The following ERCC2 variants were observed in gnomAD, a reference collection of about 807,000 sequenced individuals.
ERCC2 encodes general transcription and DNA repair factor IIH helicase subunit XPD.
ERCC2 carries 90 observed loss-of-function variants against 99.4 expected under a neutral mutation model. The ratio of observed to expected loss-of-function variants is 0.91; its 90% confidence interval spans 0.76 to 1.08. The LOEUF is 1.08. Among genes scored for constraint, ERCC2 ranks in the 50% least tolerant of loss-of-function variants. The pLI is 0.00. For synonymous variants in ERCC2, 497 were observed against 432.4 expected (o/e 1.15, Z -1.85); for missense variants, 993 against 1,038.1 (o/e 0.96, Z 0.60).
Position 45,352,253 on chromosome 19 carries a change from C to G in ERCC2, c.2146G>C (p.Val716Leu), listed in dbSNP as rs770807976. ...ATCTGCCGCAGGAAGTACTTGGCCA[C>G]CTGGACACCCTCGTCCACGGTCAGG... ...LNLTVDEGVQVAKYFLRQMAQ... is the reference protein window; with the variant it reads ...LNLTVDEGVQLAKYFLRQMAQ... Residue 716 changes from valine to leucine, a missense_variant, in exon 22 of 23, where the codon GTG (valine) becomes CTG (leucine). Val to Leu is a conservative substitution (Grantham distance 32, BLOSUM62 1). Around this residue, in one of 3 missense-constraint regions of ERCC2, gnomAD observed 909 missense variants for 930.8 expected, o/e 0.98. Transcript: ENST00000391945. The G allele has an allele frequency of 6.2e-7, 1 of 1,614,070 alleles. No individual in the cohort carries two copies. The highest frequency in any genetic ancestry group is 8.5e-7 in the Non-Finnish European group (1 of 1,179,998).
chr19:45,364,764 T>C lies in ERCC2; in HGVS notation c.594+74A>G, dbSNP rs908472390. 34 of 1,316,138 alleles carry C rather than the reference T, an allele frequency of 2.6e-5. No homozygotes were observed. In the African/African-American group the frequency reaches 3.3e-4, roughly 13 times the overall value. The allele number at this position is 1,316,138 out of a possible 1,614,324, so 81.5% of individuals were successfully genotyped here. A position where few individuals can be genotyped will look rare whatever the true frequency, so the allele number is the denominator to read the frequency against. The stretch of plus-strand genomic sequence containing the variant: ...ACTCACAGCAAGCAACAGACAGACA[T>C]GGGCAGACAGGAGACGGGCGGGCAG... On this transcript the variant is annotated intron_variant, in intron 7 of 22. Coordinates refer to ENST00000391945, the MANE Select transcript of ERCC2 (RefSeq NM_000400.4).
chr19:45,361,536 T>G lies in ERCC2; in HGVS notation c.1225A>C (p.Thr409Pro), dbSNP rs916150601. ...LLANFATLVS[T>P]YAKGFTIIIE... ...AAGGTGAGCTTACCTTTGGCGTAGG[T>G]GCTGACAAGGGTGGCAAAGTTAGCA... is the stretch of plus-strand genomic sequence containing the variant. The change falls in exon 12 of 23, where the codon ACC becomes CCC. Residue 409 changes from threonine to proline, a missense_variant. Coordinates refer to ENST00000391945, the MANE Select transcript of ERCC2 (RefSeq NM_000400.4). The G allele has an allele frequency of 1.9e-6, 3 of 1,612,812 alleles. No individual in the cohort carries two copies. The highest frequency in any genetic ancestry group is 2.5e-6 in the Non-Finnish European group (3 of 1,178,996).
rs534417538 is a variant in ERCC2, at chr19:45,368,762, G to A, written c.247-19C>T. 10 of 1,593,226 alleles carry A rather than the reference G, an allele frequency of 6.3e-6. No individual in the cohort carries two copies. In the South Asian group the frequency reaches 1.1e-4, roughly 18 times the overall value. On this transcript the variant is annotated intron_variant, in intron 4 of 22. Transcript: ENST00000391945. The stretch of plus-strand genomic sequence containing the variant: ...CAATCACCTACTCCAAAGTTGGGGG[G>A]CAGGGGGAGCTTGTGCTCATTGGAG...
At position 45,365,173 on chromosome 19, in the gene ERCC2, C is replaced by T. The variant is rs1229684222; in HGVS notation, c.361-15G>A. On this transcript the variant is annotated splice_polypyrimidine_tract_variant and intron_variant, in intron 5 of 22. Coordinates refer to ENST00000391945, the MANE Select transcript of ERCC2 (RefSeq NM_000400.4). The stretch of plus-strand genomic sequence containing the variant: ...AGGGGTGTCACCTGGGGGTGTGGGG[C>T]ATCTTAGCACCCAGACAGGGTGGAA... 1 of 1,596,684 alleles carries T rather than the reference C, an allele frequency of 6.3e-7. No individual in the cohort carries two copies. The highest frequency in any genetic ancestry group is 1.7e-5 in the Admixed American group (1 of 59,998).
chr19:45,361,658 G>C lies in ERCC2; in HGVS notation c.1119-16C>G. 1 of 1,582,684 alleles carries C rather than the reference G, an allele frequency of 6.3e-7. No homozygotes were observed. On this transcript the variant is annotated splice_polypyrimidine_tract_variant and intron_variant, in intron 11 of 22. Coordinates refer to ENST00000391945, the MANE Select transcript of ERCC2 (RefSeq NM_000400.4). ...AGCACAGAATCTGGCGGGGAGGAGA[G>C]ACGGGGTCGGGGGGCAGACGGAAGC...
rs542974423 is a variant in ERCC2 at position 45,352,878 on chromosome 19, C to T, written c.1832-62G>A. The T allele has an allele frequency of 5.3e-6, 8 of 1,501,888 alleles. No homozygotes were observed. In the Admixed American group the frequency reaches 8.5e-5, roughly 16 times the overall value. The allele number at this position is 1,501,888 out of a possible 1,614,324, so 93.0% of individuals were successfully genotyped here. Reference sequence around the variant, plus strand: ...AGTGTGGCTGGTGGGACAGGGACAGCCTCACGCGACCCAGGATGCTGTGTC... The same window carrying T: ...AGTGTGGCTGGTGGGACAGGGACAGTCTCACGCGACCCAGGATGCTGTGTC... On this transcript the variant is annotated intron_variant, in intron 19 of 22. Transcript: ENST00000391945.
chr19:45,350,440 C>A lies in ERCC2; in HGVS notation c.*1189G>T. 6.2e-7 allele frequency: 1 copy of A among 1,613,810 alleles called. No homozygotes were observed. Among genetic ancestry groups the A allele is most frequent in the Non-Finnish European group, 8.5e-7 (1 of 1,179,796 alleles). On this transcript the variant is annotated 3_prime_UTR_variant, in exon 23 of 23. Coordinates refer to ENST00000391945, the MANE Select transcript of ERCC2 (RefSeq NM_000400.4). ...CCTACCCGCCCCTCTCGGTGAGCCC[C>A]TAGCCCCTGTCTGTCTTCCCTCCTG...
chr19:45,350,462 C>G lies in ERCC2; in HGVS notation c.*1167G>C, dbSNP rs1266616611. ...CCCCTAGCCCCTGTCTGTCTTCCCT[C>G]CTGGTGGCTTCTCTATGTCCCCATC... On this transcript the variant is annotated 3_prime_UTR_variant, in exon 23 of 23. Transcript: ENST00000391945. The G allele has an allele frequency of 6.2e-7, 1 of 1,613,430 alleles. No individual in the cohort carries two copies. Among genetic ancestry groups the G allele is most frequent in the Admixed American group, 1.7e-5 (1 of 59,994 alleles).
chr19:45,354,599 C>T (rs1310991499), intron 17 of ERCC2, 131 bp downstream of exon 17: 6 of 1,184,032 alleles, frequency 5.1e-6, no homozygotes, highest in Non-Finnish European at 7.4e-6. Flanking sequence ...CCCATTCCTA[C>T]ATGCTGCACA....
intron 12 of ERCC2, chr19:45,358,538 C>G: frequency 2.5e-6 from 1 of 394,792 alleles, no homozygotes; most frequent in Non-Finnish European, 4.7e-6. Flanking sequence ...CCCAAGAAGC[C>G]TCCCATGGCC....
Position 45,350,334 on chromosome 19 carries a change from T to G in ERCC2, c.*1295A>C. On this transcript the variant is annotated 3_prime_UTR_variant, in exon 23 of 23. Transcript: ENST00000391945. ...CGAAAAGTTCCCAGACACTCCCTTCTCCGCAGGCCTCAGCCTACCTGAAAC... is the reference window on the plus strand; with the variant it reads ...CGAAAAGTTCCCAGACACTCCCTTCGCCGCAGGCCTCAGCCTACCTGAAAC... The G allele has an allele frequency of 1.3e-5, 21 of 1,611,194 alleles. No homozygotes were observed. Among genetic ancestry groups the G allele is most frequent in the Non-Finnish European group, 1.7e-5 (20 of 1,179,272 alleles).
intron 17 of ERCC2, 42 bp downstream of exon 17, chr19:45,354,688 G>A (rs1210137215): frequency 1.2e-6 from 2 of 1,611,602 alleles, no homozygotes; most frequent in African/African-American, 2.7e-5. Flanking sequence ...CAGTGCCAGG[G>A]ACTGAGGAGA....
chr19:45,363,317 G>A (rs1484728619), intron 11 of ERCC2, among the ~76,000 whole-genome samples: 1 of 152,064 alleles, frequency 6.6e-6, no homozygotes, highest in Non-Finnish European at 1.5e-5. Context: ...AGCCTGCGAG[G>A]CCCTGGTACT....
rs1972373798 is a variant in ERCC2 at position 45,364,958 on chromosome 19, G to A, written c.478-4C>T. On this transcript the variant is annotated splice_polypyrimidine_tract_variant and splice_region_variant and intron_variant, in intron 6 of 22. Transcript: ENST00000391945. Reference sequence around the variant, plus strand: ...CACGCCCATGGGCATCAAATTCCTGGGACAAGAGTGCCAGGGGTCAGGGAG... The same window carrying A: ...CACGCCCATGGGCATCAAATTCCTGAGACAAGAGTGCCAGGGGTCAGGGAG... 1 of 1,613,512 alleles carries A rather than the reference G, an allele frequency of 6.2e-7. No homozygotes were observed.
chr19:45,353,043 C>G, intron 19 of ERCC2, 40 bp downstream of exon 19: 1 of 1,592,654 alleles, frequency 6.3e-7, no homozygotes, highest in South Asian at 1.1e-5. Context: ...CCAGAGAGCT[C>G]TGGGAAGACA....
chr19:45,367,416 TACAC>T (rs1234041546), intron 5 of ERCC2, among the ~76,000 whole-genome samples: 1 of 151,616 alleles, frequency 6.6e-6, no homozygotes, highest in Non-Finnish European at 1.5e-5. Context: ...AAAACATATA[TACAC>T]ACACATATAT....
rs1356642677 is a variant in ERCC2, at chr19:45,350,976, A to C, written c.*653T>G. The C allele has an allele frequency of 6.2e-7, 1 of 1,614,094 alleles. No homozygotes were observed. The highest frequency in any genetic ancestry group is 8.5e-7 in the Non-Finnish European group (1 of 1,180,018). The stretch of plus-strand genomic sequence containing the variant: ...CAGAATGAAGAGAGCCATGTCACTC[A>C]ACACACTGAACGTGGATGCTCCAAG... On this transcript the variant is annotated 3_prime_UTR_variant, in exon 23 of 23. Transcript: ENST00000391945.
chr19:45,357,218 C>T, intron 15 of ERCC2, 52 bp downstream of exon 15: 3 of 1,354,354 alleles, frequency 2.2e-6, no homozygotes, highest in East Asian at 2.4e-5. Flanking sequence ...AGGAGGGCGG[C>T]CCCTTGCCCC....
At chr19:45,359,861 G>A (rs999555570) in intron 12 of ERCC2, among the ~76,000 whole-genome samples, 60 of 150,114 alleles carry the variant, frequency 4.0e-4, no homozygotes, top group Middle Eastern at 6.8e-3. Flanking sequence ...TGCAACCTCC[G>A]CCTCCCGGGT....
Sources: allele counts gnomAD v4.1 joint callset (sites outside exome capture counted in the v4.1 genomes callset), GRCh38; gene constraint gnomAD v4.1.1; regional missense constraint gnomAD v4.1.1; transcripts MANE v1.5; gene names NCBI Gene and HGNC (gene_info 2026-07-23, HGNC 2026-07-21).